PAK3: variants seen among roughly 807,000 people sequenced by gnomAD.
The protein encoded by PAK3 is serine/threonine-protein kinase PAK 3.
A neutral mutation model predicts 41.0 loss-of-function variants in PAK3; 4 were observed. That is an observed-to-expected ratio of 0.10 (90% CI 0.05 to 0.22). PAK3 has a LOEUF of 0.22. PAK3 is among the 10% of genes least tolerant of loss of function. The probability of loss-of-function intolerance (pLI) is 1.00; values close to 1 mark genes in which losing one functional copy is unlikely to be tolerated. For missense variants in PAK3, 205 were observed against 409.9 expected, an observed-to-expected ratio of 0.50 and a Z score of 4.32; for synonymous variants, 146 against 139.6, an observed-to-expected ratio of 1.05 and a Z score of -0.32.
rs747412130 is a variant in PAK3 at position 111,185,398 on chromosome X, A to T, written c.831-6729A>T. On this transcript the variant is annotated intron_variant, in intron 11 of 17. Transcript: ENST00000372007. ...TTGCTGTGCAGAAGCTCTTTAGTTT[A>T]ATTAGATTCTATTTGTTAATTTTGG... is the stretch of plus-strand genomic sequence containing the variant. 2.7e-5 allele frequency among the ~76,000 whole-genome samples: 3 copies of T among 111,293 alleles called. No individual in the cohort carries two copies. The East Asian group carries it at 8.5e-4, about 32-fold the overall frequency.
intron 5 of PAK3, among the ~76,000 whole-genome samples, chrX:111,141,083 A>AT (rs1344925114): frequency 9.0e-6 from 1 of 110,673 alleles, no homozygotes; most frequent in East Asian, 2.8e-4. Context: ...GGTGAGTACT[A>AT]TTTTTTTCAG....
At chrX:110,978,869 C>T (rs778709142) in intron 1 of PAK3, among the ~76,000 whole-genome samples, 1 of 110,718 alleles carries the variant, frequency 9.0e-6, no homozygotes, top group East Asian at 2.8e-4. Flanking sequence ...CTCCCCTTTC[C>T]ACTTTCTGGA....
rs768766659 is a variant in PAK3, at chrX:111,131,899, AG to A, written c.175+8623del. Among the ~76,000 whole-genome samples the A allele has an allele frequency of 1.5e-4, 17 of 112,107 alleles. No individual in the cohort carries two copies. In the East Asian group the frequency reaches 2.8e-3, roughly 19 times the overall value. On this transcript the variant is annotated intron_variant, in intron 5 of 17. Coordinates refer to ENST00000372007, the MANE Select transcript of PAK3 (RefSeq NM_002578.5). ...ACTTACTGTTACCTAAGTATAAGGA[AG>A]GCTTCAGAAGGCTTCCCTAAGGAGG...
intron 1 of PAK3, among the ~76,000 whole-genome samples, chrX:110,971,024 A>T (rs1037843796): frequency 8.9e-6 from 1 of 112,409 alleles, no homozygotes; most frequent in South Asian, 3.7e-4. Context: ...TCCCAATCTT[A>T]GAGAAAAACA....
At chrX:110,961,714 G>T (rs996599346) in intron 1 of PAK3, among the ~76,000 whole-genome samples, 12 of 111,781 alleles carry the variant, frequency 1.1e-4, no homozygotes, top group Non-Finnish European at 2.3e-4. Context: ...CTTGAAAAAA[G>T]GAGTCTTTAA....
chrX:111,012,135 G>GTGT (rs2092020446), intron 1 of PAK3, among the ~76,000 whole-genome samples: 1 of 111,598 alleles, frequency 9.0e-6, no homozygotes, highest in Non-Finnish European at 1.9e-5. Flanking sequence ...ATATTTACCA[G>GTGT]TGTTGGTAAA....
At chrX:111,013,081 T>C (rs1192098486) in intron 1 of PAK3, among the ~76,000 whole-genome samples, 1 of 112,738 alleles carries the variant, frequency 8.9e-6, no homozygotes, top group African/African-American at 3.2e-5. Context: ...TGTTAAGATG[T>C]TCATATGTGG....
chrX:111,175,926 G>T (rs905872607), intron 11 of PAK3, among the ~76,000 whole-genome samples: 2 of 111,764 alleles, frequency 1.8e-5, no homozygotes, highest in Non-Finnish European at 3.8e-5. Flanking sequence ...CTGCAGAAAG[G>T]TCTATTTTAA....
chrX:111,053,567 T>C (rs1005098778), intron 1 of PAK3, among the ~76,000 whole-genome samples: 1 of 111,552 alleles, frequency 9.0e-6, no homozygotes, highest in Non-Finnish European at 1.9e-5. Context: ...ACTTTCTACA[T>C]ACTCCATACC....
At chrX:111,160,466 A>AT (rs1201053713) in intron 8 of PAK3, among the ~76,000 whole-genome samples, 1 of 109,787 alleles carries the variant, frequency 9.1e-6, no homozygotes, top group Admixed American at 9.8e-5. Flanking sequence ...ATTTTATTTT[A>AT]TTTTTTATTA....
At chrX:111,175,190 C>T (rs2094392097) in intron 11 of PAK3, among the ~76,000 whole-genome samples, 1 of 111,406 alleles carries the variant, frequency 9.0e-6, no homozygotes, top group Non-Finnish European at 1.9e-5. Flanking sequence ...GATATTCAAT[C>T]CACTTAGAAA....
chrX:111,174,778 A>G (rs1296869667), intron 11 of PAK3, among the ~76,000 whole-genome samples: 2 of 111,869 alleles, frequency 1.8e-5, no homozygotes, highest in African/African-American at 3.2e-5. Context: ...CTAGAGAGAC[A>G]GAGATGGGTA....
chrX:111,019,379 C>T (rs1259073381), intron 1 of PAK3, among the ~76,000 whole-genome samples: 1 of 109,810 alleles, frequency 9.1e-6, no homozygotes, highest in Non-Finnish European at 1.9e-5. Context: ...AACTCAACAA[C>T]AACCACAAAA....
chrX:111,122,051 A>G (rs956107004), intron 4 of PAK3, among the ~76,000 whole-genome samples: 4 of 109,110 alleles, frequency 3.7e-5, no homozygotes, highest in African/African-American at 1.0e-4. Context: ...TCAGGAGATC[A>G]AGACCATTCT....
intron 1 of PAK3, among the ~76,000 whole-genome samples, chrX:111,032,685 G>A (rs1016893099): frequency 9.0e-6 from 1 of 111,658 alleles, no homozygotes; most frequent in Non-Finnish European, 1.9e-5. Flanking sequence ...AATTTCATCT[G>A]ATGGGGGCAA....
At chrX:111,098,792 C>T (rs1486115101) in intron 3 of PAK3, 1 of 111,270 alleles carries the variant, frequency 9.0e-6, no homozygotes, top group Non-Finnish European at 1.9e-5. Context: ...AAAAAAAGCC[C>T]TCCTTCTCAG....
intron 16 of PAK3, among the ~76,000 whole-genome samples, chrX:111,199,140 T>A (rs1346093001): frequency 1.8e-5 from 2 of 111,560 alleles, no homozygotes; most frequent in Non-Finnish European, 3.8e-5. Flanking sequence ...ATCGTTGGTG[T>A]ATAGAAATGC....
chrX:111,190,856 T>C (rs1288726772), intron 11 of PAK3, among the ~76,000 whole-genome samples: 4 of 112,336 alleles, frequency 3.6e-5, no homozygotes, highest in Non-Finnish European at 7.5e-5. Flanking sequence ...TAACATGTAG[T>C]CAATCACAGG....
intron 1 of PAK3, among the ~76,000 whole-genome samples, chrX:110,971,972 A>G (rs1278106537): frequency 9.0e-6 from 1 of 111,132 alleles, no homozygotes; most frequent in Non-Finnish European, 1.9e-5. Context: ...CTTGTTGAAA[A>G]TCAAACGGCC....
Sources: allele counts gnomAD v4.1 joint callset (sites outside exome capture counted in the v4.1 genomes callset), GRCh38; gene constraint gnomAD v4.1.1; transcripts MANE v1.5; gene names NCBI Gene and HGNC (gene_info 2026-07-23, HGNC 2026-07-21).